The following CSRP1 variants were observed in gnomAD, a reference collection of about 807,000 sequenced individuals.
The protein encoded by CSRP1 is cysteine and glycine rich protein 1.
A neutral mutation model predicts 25.4 loss-of-function variants in CSRP1; 16 were observed. The ratio of observed to expected loss-of-function variants is 0.63; its 90% CI spans 0.43 to 0.96. CSRP1 has a LOEUF of 0.96. CSRP1 is among the 40% of genes least tolerant of loss of function. The probability of loss-of-function intolerance (pLI) is 0.00; values close to 1 mark genes in which losing one functional copy is unlikely to be tolerated. For missense variants in CSRP1, 212 were observed against 243.6 expected, an observed-to-expected ratio of 0.87 and a Z score of 0.86; for synonymous variants, 97 against 95.3, an observed-to-expected ratio of 1.02 and a Z score of -0.10.
intron 1 of CSRP1, 116 bp from the exon 2 acceptor site, chr1:201,496,420 G>C: frequency 1.2e-6 from 1 of 846,678 alleles, no homozygotes; most frequent in South Asian, 1.4e-5. Flanking sequence ...AAAGTAGAAT[G>C]CCTGGGGGGC....
At chr1:201,485,188 G>T (rs1158996272) in intron 5 of CSRP1, 95 bp downstream of exon 5, 3 of 1,037,310 alleles carry the variant, frequency 2.9e-6, no homozygotes, top group African/African-American at 1.6e-5. Flanking sequence ...GGATCCCAAG[G>T]CCAGGAATTA....
chr1:201,506,396 A>G (rs575807627), intron 1 of CSRP1, among the ~76,000 whole-genome samples: 2 of 152,364 alleles, frequency 1.3e-5, no homozygotes, highest in African/African-American at 2.4e-5. Context: ...AGTCTGTACC[A>G]GTAGATACAA....
At position 201,484,191 on chromosome 1, in the gene CSRP1, A is replaced by G. The variant is rs1664059471; in HGVS notation, c.*522T>C. The G allele has an allele frequency of 1.8e-6, 1 of 564,438 alleles. No homozygotes were observed. The highest frequency in any genetic ancestry group is 1.8e-5 in the African/African-American group (1 of 54,104). 35.0% of individuals were successfully genotyped at this position (564,438 alleles called of 1,614,324 possible). A position where few individuals can be genotyped will look rare whatever the true frequency, so the allele number is the denominator to read the frequency against. Reference sequence around the variant, plus strand: ...GCATGCCTCTCTGCCTCCAATAGTGACTCCCTAAGCTGGGACTCCTCAGGC... The same window carrying G: ...GCATGCCTCTCTGCCTCCAATAGTGGCTCCCTAAGCTGGGACTCCTCAGGC... On this transcript the variant is annotated 3_prime_UTR_variant, in exon 6 of 6. Transcript: ENST00000340006.
chr1:201,486,885 T>C, intron 4 of CSRP1: 1 of 1,237,734 alleles, frequency 8.1e-7, no homozygotes, highest in Non-Finnish European at 1.0e-6. Context: ...GATTCTTAGC[T>C]ATTCTTAATA....
Position 201,484,185 on chromosome 1 carries a change from A to C in CSRP1, c.*528T>G. On this transcript the variant is annotated 3_prime_UTR_variant, in exon 6 of 6. Transcript: ENST00000340006. ...CTGCCTGCATGCCTCTCTGCCTCCA[A>C]TAGTGACTCCCTAAGCTGGGACTCC... The C allele has an allele frequency of 1.7e-6, 1 of 576,980 alleles. No homozygotes were observed. The highest frequency in any genetic ancestry group is 2.8e-5 in the East Asian group (1 of 35,932). The allele number at this position is 576,980 out of a possible 1,614,324, so 35.7% of individuals were successfully genotyped here. A position where few individuals can be genotyped will look rare whatever the true frequency, so the allele number is the denominator to read the frequency against.
At position 201,504,869 on chromosome 1, in the gene CSRP1, C is replaced by T. The variant is rs150148581; in HGVS notation, c.-2+2201G>A. 4.5e-3 allele frequency among the ~76,000 whole-genome samples: 680 copies of T among 151,850 alleles called. 6 individuals carry two copies. The highest frequency in any genetic ancestry group is 0.015 in the African/African-American group (639 of 41,448). ...ATCCCAACACTTTGGGAGGCCGAGG[C>T]AGGTGGATCACCTGAGGTCAGGAGT... On this transcript the variant is annotated intron_variant, in intron 1 of 5. Transcript: ENST00000340006.
chr1:201,483,865 G>A lies in CSRP1; in HGVS notation c.*848C>T. The A allele has an allele frequency of 3.4e-6, 2 of 588,656 alleles. No individual in the cohort carries two copies. Among genetic ancestry groups the A allele is most frequent in the Non-Finnish European group, 6.3e-6 (2 of 317,662 alleles). 36.5% of individuals were successfully genotyped at this position (588,656 alleles called of 1,614,324 possible). On this transcript the variant is annotated 3_prime_UTR_variant, in exon 6 of 6. Transcript: ENST00000340006. The stretch of plus-strand genomic sequence containing the variant: ...CCCTCCACATCTGAGGATCAAGCAG[G>A]TGTGGCAAGAACAGAGCCCTGGCCT...
chr1:201,484,592 G>A lies in CSRP1; in HGVS notation c.*121C>T. On this transcript the variant is annotated 3_prime_UTR_variant, in exon 6 of 6. Coordinates refer to ENST00000340006, the MANE Select transcript of CSRP1 (RefSeq NM_004078.3). ...AAGGGAGCCAGATGCCCAAGTTCAA[G>A]TCATTAGTGATATGTGGCAGGGCTG... 2 of 978,692 alleles carry A rather than the reference G, an allele frequency of 2.0e-6. No individual in the cohort carries two copies. Among genetic ancestry groups the A allele is most frequent in the South Asian group, 1.6e-5 (1 of 62,732 alleles). 60.6% of individuals were successfully genotyped at this position (978,692 alleles called of 1,614,324 possible). A position where few individuals can be genotyped will look rare whatever the true frequency, so the allele number is the denominator to read the frequency against.
chr1:201,501,306 G>A (rs1209246805), intron 1 of CSRP1, among the ~76,000 whole-genome samples: 1 of 152,140 alleles, frequency 6.6e-6, no homozygotes, highest in Non-Finnish European at 1.5e-5. Flanking sequence ...TGCCAAATAG[G>A]GCCAGGAACT....
At chr1:201,492,437 C>CA (rs1344585075) in intron 2 of CSRP1, 1 of 152,174 alleles carries the variant, frequency 6.6e-6, no homozygotes, top group African/African-American at 2.4e-5. Context: ...GACTCTGCAA[C>CA]TCACCAAAGT....
chr1:201,496,081 T>G, intron 2 of CSRP1, 111 bp downstream of exon 2: 1 of 774,446 alleles, frequency 1.3e-6, no homozygotes, highest in South Asian at 1.5e-5. Context: ...AATGTCAAGC[T>G]GTTTACATCC....
At position 201,489,926 on chromosome 1, in the gene CSRP1, C is replaced by G. The variant is rs571614181; in HGVS notation, c.281+250G>C. The stretch of plus-strand genomic sequence containing the variant: ...AAGTGATTCTTGGGGCCCCTCCCAG[C>G]TCTGACTCTCATACAAATATAGAAT... On this transcript the variant is annotated intron_variant, in intron 3 of 5. Transcript: ENST00000340006. The G allele has an allele frequency of 2.7e-4, 110 of 412,604 alleles. 1 individual carries two copies. Among genetic ancestry groups the G allele is most frequent in the African/African-American group, 1.7e-3 (84 of 50,122 alleles). 25.6% of individuals were successfully genotyped at this position (412,604 alleles called of 1,614,324 possible). A position where few individuals can be genotyped will look rare whatever the true frequency, so the allele number is the denominator to read the frequency against.
intron 1 of CSRP1, among the ~76,000 whole-genome samples, chr1:201,505,964 C>A (rs1032410948): frequency 6.6e-6 from 1 of 152,214 alleles, no homozygotes; most frequent in Admixed American, 6.5e-5. Context: ...ACAAGAAAGA[C>A]AGTAACTGAG....
intron 1 of CSRP1, among the ~76,000 whole-genome samples, chr1:201,500,389 C>T (rs911941234): frequency 6.6e-6 from 1 of 152,248 alleles, no homozygotes; most frequent in Admixed American, 6.5e-5. Flanking sequence ...GTCAGGGGCC[C>T]ACATCCAGCA....
At chr1:201,497,878 C>T (rs1400166893) in intron 1 of CSRP1, among the ~76,000 whole-genome samples, 4 of 151,972 alleles carry the variant, frequency 2.6e-5, no homozygotes, top group African/African-American at 9.7e-5. Context: ...GGCGTGGTGG[C>T]ACCTGCCTGT....
chr1:201,484,446 G>A lies in CSRP1; in HGVS notation c.*267C>T. 3.7e-6 allele frequency: 2 copies of A among 545,728 alleles called. No individual in the cohort carries two copies. The highest frequency in any genetic ancestry group is 4.9e-4 in the Middle Eastern group (1 of 2,036). 33.8% of individuals were successfully genotyped at this position (545,728 alleles called of 1,614,324 possible). On this transcript the variant is annotated 3_prime_UTR_variant, in exon 6 of 6. Transcript: ENST00000340006. ...ACAGAGCTCTGTGGGGCGAGGTGTGGGGAGAGGGGCCTGCTCTCACCTAGA... is the reference window on the plus strand; with the variant it reads ...ACAGAGCTCTGTGGGGCGAGGTGTGAGGAGAGGGGCCTGCTCTCACCTAGA...
Position 201,496,188 on chromosome 1 carries a change from T to A in CSRP1, c.112+4A>T. The A allele has an allele frequency of 6.2e-7, 1 of 1,612,234 alleles. No homozygotes were observed. The highest frequency in any genetic ancestry group is 8.5e-7 in the Non-Finnish European group (1 of 1,178,322). On this transcript the variant is annotated splice_donor_region_variant and intron_variant, in intron 2 of 5. Coordinates refer to ENST00000340006, the MANE Select transcript of CSRP1 (RefSeq NM_004078.3). ...AACAGCAATAGGGCCTGGGGCGTAC[T>A]CACTGCACAGGAAGCAGGATTTATG...
chr1:201,502,031 A>G (rs1664687605), intron 1 of CSRP1, among the ~76,000 whole-genome samples: 1 of 148,740 alleles, frequency 6.7e-6, no homozygotes, highest in African/African-American at 2.4e-5. Flanking sequence ...AAATAAATAA[A>G]GTCTGGCTCA....
chr1:201,499,901 C>T (rs1664615808), intron 1 of CSRP1, among the ~76,000 whole-genome samples: 1 of 152,186 alleles, frequency 6.6e-6, no homozygotes, highest in South Asian at 2.1e-4. Context: ...GGATTATAGG[C>T]ATGAGTCACT....
Sources: allele counts gnomAD v4.1 joint callset (sites outside exome capture counted in the v4.1 genomes callset), GRCh38; gene constraint gnomAD v4.1.1; transcripts MANE v1.5; gene names NCBI Gene and HGNC (gene_info 2026-07-23, HGNC 2026-07-21).